The following CWC27 variants were observed in gnomAD, a reference collection of about 807,000 sequenced individuals.
CWC27 encodes the protein CWC27 spliceosome associated cyclophilin.
CWC27 carries 47 observed loss-of-function variants against 63.6 expected under a neutral mutation model. The ratio of observed to expected loss-of-function variants is 0.74; its 90% confidence interval spans 0.58 to 0.94. The LOEUF is 0.94. Among genes scored for constraint, CWC27 ranks in the 40% least tolerant of loss-of-function variants. CWC27 has a pLI of 0.00. For missense variants in CWC27, 495 were observed against 554.3 expected (o/e 0.89, Z 1.07); for synonymous variants, 175 against 179.8 (o/e 0.97, Z 0.22).
At chr5:64,865,072 T>G (rs1327286191) in intron 10 of CWC27, among the ~76,000 whole-genome samples, 4 of 151,982 alleles carry the variant, frequency 2.6e-5, no homozygotes, top group Non-Finnish European at 4.4e-5. Context: ...ATATTTATTA[T>G]GCATCAACTG....
chr5:64,893,131 T>G (rs868851505), intron 11 of CWC27, among the ~76,000 whole-genome samples: 1 of 152,258 alleles, frequency 6.6e-6, no homozygotes, highest in Non-Finnish European at 1.5e-5. Context: ...ATATTTAGAT[T>G]GTCTCCAGAG....
intron 10 of CWC27, among the ~76,000 whole-genome samples, chr5:64,863,442 C>G (rs2112314286): frequency 6.6e-6 from 1 of 152,036 alleles, no homozygotes; most frequent in South Asian, 2.1e-4. Context: ...CCTTTCCTCT[C>G]CCCTACACCC....
chr5:64,935,640 C>T (rs1748330524), intron 11 of CWC27, among the ~76,000 whole-genome samples: 1 of 152,104 alleles, frequency 6.6e-6, no homozygotes, highest in Non-Finnish European at 1.5e-5. Context: ...TTCTGTGAAG[C>T]AAATCAATGG....
At chr5:64,919,433 G>C (rs771817184) in intron 11 of CWC27, among the ~76,000 whole-genome samples, 1 of 152,106 alleles carries the variant, frequency 6.6e-6, no homozygotes, top group Non-Finnish European at 1.5e-5. Context: ...ATTGAGGCTT[G>C]GTGTACACAT....
intron 11 of CWC27, among the ~76,000 whole-genome samples, chr5:64,891,443 C>A (rs1201009672): frequency 6.6e-6 from 1 of 152,068 alleles, no homozygotes; most frequent in Non-Finnish European, 1.5e-5. Context: ...AATATAATTT[C>A]TTAAATAGTA....
At chr5:64,967,414 A>G (rs1267684935) in intron 11 of CWC27, among the ~76,000 whole-genome samples, 1 of 152,076 alleles carries the variant, frequency 6.6e-6, no homozygotes, top group African/African-American at 2.4e-5. Flanking sequence ...ATTTGAAGAA[A>G]TTGTCAAGCT....
At chr5:64,934,075 C>A (rs1426656672) in intron 11 of CWC27, among the ~76,000 whole-genome samples, 10 of 152,050 alleles carry the variant, frequency 6.6e-5, no homozygotes, top group Non-Finnish European at 1.3e-4. Flanking sequence ...CCTTATCAAG[C>A]TTTCACCCTT....
chr5:64,900,453 A>G (rs546576495), intron 11 of CWC27, among the ~76,000 whole-genome samples: 23 of 152,256 alleles, frequency 1.5e-4, no homozygotes, highest in Admixed American at 1.5e-3. Flanking sequence ...TATTCTTTGG[A>G]TACAAATCCT....
At chr5:64,875,619 G>C (rs1431401783) in intron 10 of CWC27, among the ~76,000 whole-genome samples, 2 of 152,128 alleles carry the variant, frequency 1.3e-5, no homozygotes, top group East Asian at 3.9e-4. Context: ...TTAGGATATG[G>C]GAATTTTGTA....
chr5:64,890,144 C>A (rs543323945), intron 11 of CWC27, among the ~76,000 whole-genome samples: 28 of 152,122 alleles, frequency 1.8e-4, no homozygotes, highest in Non-Finnish European at 3.5e-4. Flanking sequence ...GCAGACAATT[C>A]CTGCTCTATG....
At chr5:64,940,007 T>C (rs1031217796) in intron 11 of CWC27, among the ~76,000 whole-genome samples, 4 of 152,208 alleles carry the variant, frequency 2.6e-5, no homozygotes, top group African/African-American at 9.7e-5. Flanking sequence ...CAGACTACTG[T>C]GCTGGCAGCG....
chr5:64,860,180 C>T (rs1178618993), intron 10 of CWC27, among the ~76,000 whole-genome samples: 1 of 152,204 alleles, frequency 6.6e-6, no homozygotes, highest in Non-Finnish European at 1.5e-5. Context: ...CATTCTTAAC[C>T]TTAACAAGTC....
At chr5:64,951,485 A>C (rs1409021743) in intron 11 of CWC27, among the ~76,000 whole-genome samples, 1 of 151,928 alleles carries the variant, frequency 6.6e-6, no homozygotes, top group Non-Finnish European at 1.5e-5. Flanking sequence ...ATGTTTTGAA[A>C]ACAGTTTTCA....
In CWC27 at chr5:64,788,934, T is replaced by C. The variant is rs752858002; in HGVS notation, c.600-17T>C. 2.0e-6 allele frequency: 3 copies of C among 1,532,256 alleles called. No individual in the cohort carries two copies. Among genetic ancestry groups the C allele is most frequent in the East Asian group, 4.5e-5 (2 of 44,208 alleles). 94.9% of individuals were successfully genotyped at this position (1,532,256 alleles called of 1,614,324 possible). ...CTTTCTCTTTCTTTTTTTTTTTCTT[T>C]CTTTTTTTTGGACTAGAAATTTTAG... On this transcript the variant is annotated splice_polypyrimidine_tract_variant and intron_variant, in intron 6 of 13. Transcript: ENST00000381070.
At chr5:64,971,298 G>A (rs1171235027) in intron 11 of CWC27, among the ~76,000 whole-genome samples, 1 of 152,206 alleles carries the variant, frequency 6.6e-6, no homozygotes, top group East Asian at 1.9e-4. Context: ...GGGAACAAAA[G>A]TGGCAGGTAA....
intron 13 of CWC27, among the ~76,000 whole-genome samples, chr5:64,993,302 T>A (rs1242862285): frequency 6.6e-6 from 1 of 152,126 alleles, no homozygotes; most frequent in East Asian, 1.9e-4. Context: ...GTCAAAACAT[T>A]AGTTATACAG....
chr5:64,850,401 T>C (rs1191856056), intron 10 of CWC27, among the ~76,000 whole-genome samples: 1 of 152,016 alleles, frequency 6.6e-6, no homozygotes, highest in African/African-American at 2.4e-5. Flanking sequence ...AATAATGATA[T>C]TGGGCCCATA....
At chr5:64,821,273 C>T (rs1228310416) in intron 10 of CWC27, among the ~76,000 whole-genome samples, 1 of 151,916 alleles carries the variant, frequency 6.6e-6, no homozygotes, top group African/African-American at 2.4e-5. Flanking sequence ...TTAGTAGAGA[C>T]GGGGTTTCAC....
At chr5:64,789,709 T>C (rs1744009361) in intron 7 of CWC27, among the ~76,000 whole-genome samples, 1 of 152,150 alleles carries the variant, frequency 6.6e-6, no homozygotes, top group Non-Finnish European at 1.5e-5. Flanking sequence ...TGCCATTGTT[T>C]AGAGCAGTAA....
Sources: allele counts gnomAD v4.1 joint callset (sites outside exome capture counted in the v4.1 genomes callset), GRCh38; gene constraint gnomAD v4.1.1; transcripts MANE v1.5; gene names NCBI Gene and HGNC (gene_info 2026-07-23, HGNC 2026-07-21).